SSBP2: variants seen among roughly 807,000 people sequenced by gnomAD.
SSBP2 encodes single-stranded DNA-binding protein 2.
Under a neutral mutation model 61.8 loss-of-function variants are expected in SSBP2, and 17 were observed. The observed-to-expected ratio is 0.28, with a 90% CI of 0.19 to 0.41. The LOEUF (loss-of-function observed/expected upper bound fraction) is 0.41, where lower values mean the gene tolerates loss of function less well. SSBP2 is among the 10% of genes least tolerant of loss of function. The pLI is 1.00. For missense variants in SSBP2, 310 were observed against 458.7 expected, an observed-to-expected ratio of 0.68 and a Z score of 2.96; for synonymous variants, 139 against 141.3, an observed-to-expected ratio of 0.98 and a Z score of 0.12.
chr5:81,499,472 A>G (rs936911356), intron 5 of SSBP2, among the ~76,000 whole-genome samples: 1 of 152,198 alleles, frequency 6.6e-6, no homozygotes, highest in African/African-American at 2.4e-5. Flanking sequence ...TGAATGGGAG[A>G]CTAAGCTGTC....
At chr5:81,503,537 T>A (rs1368004148) in intron 5 of SSBP2, among the ~76,000 whole-genome samples, 1 of 152,026 alleles carries the variant, frequency 6.6e-6, no homozygotes, top group Non-Finnish European at 1.5e-5. Context: ...TTGGTGGGAG[T>A]GCAAATTAGT....
intron 2 of SSBP2, among the ~76,000 whole-genome samples, chr5:81,643,089 G>C (rs1305925022): frequency 6.6e-6 from 1 of 152,058 alleles, no homozygotes; most frequent in Non-Finnish European, 1.5e-5. Flanking sequence ...GTTAAGTTCT[G>C]CCATCAGGAG....
At chr5:81,543,063 C>T (rs531986260) in intron 4 of SSBP2, among the ~76,000 whole-genome samples, 34 of 152,200 alleles carry the variant, frequency 2.2e-4, no homozygotes, top group Admixed American at 1.5e-3. Flanking sequence ...CCATGGTGGC[C>T]AGGGTGGTCT....
chr5:81,624,823 C>T (rs1433950078), intron 3 of SSBP2, among the ~76,000 whole-genome samples: 1 of 151,938 alleles, frequency 6.6e-6, no homozygotes, highest in Non-Finnish European at 1.5e-5. Flanking sequence ...TTCTATAAAC[C>T]TTCATGAATA....
intron 15 of SSBP2, among the ~76,000 whole-genome samples, chr5:81,429,858 C>T (rs1762179134): frequency 6.6e-6 from 1 of 152,138 alleles, no homozygotes; most frequent in African/African-American, 2.4e-5. Flanking sequence ...TGTGTCTTGT[C>T]TTGCTGTGCA....
intron 1 of SSBP2, among the ~76,000 whole-genome samples, chr5:81,681,346 C>T (rs1214028231): frequency 2.0e-5 from 3 of 151,754 alleles, no homozygotes; most frequent in African/African-American, 4.8e-5. Flanking sequence ...GTGGCAAAAC[C>T]CCATCTCTAC....
At chr5:81,641,053 C>T (rs1561642379) in intron 2 of SSBP2, among the ~76,000 whole-genome samples, 1 of 152,082 alleles carries the variant, frequency 6.6e-6, no homozygotes, top group Non-Finnish European at 1.5e-5. Context: ...GTTAAAAGAA[C>T]AATGTGACAT....
At chr5:81,605,856 CAGAAATATT>C (rs1744832633) in intron 4 of SSBP2, among the ~76,000 whole-genome samples, 1 of 152,002 alleles carries the variant, frequency 6.6e-6, no homozygotes, top group African/African-American at 2.4e-5. Flanking sequence ...GAGGCAGAAG[CAGAAATATT>C]AGAAGAAAAC....
In SSBP2 at chr5:81,413,005, A is replaced by G. The variant is rs1761196497; in HGVS notation, c.*7499T>C. The G allele has an allele frequency of 6.6e-6, 1 of 152,350 alleles. No individual in the cohort carries two copies. The highest frequency in any genetic ancestry group is 1.9e-4 in the East Asian group (1 of 5,192). The allele number at this position is 152,350 out of a possible 1,614,324, so 9.4% of individuals were successfully genotyped here. A position where few individuals can be genotyped will look rare whatever the true frequency, so the allele number is the denominator to read the frequency against. ...TATATAAGGCATAATGTCTAATTCAATTATATACACAGATGTCCACATTAG... is the reference window on the plus strand; with the variant it reads ...TATATAAGGCATAATGTCTAATTCAGTTATATACACAGATGTCCACATTAG... On this transcript the variant is annotated 3_prime_UTR_variant, in exon 17 of 17. Transcript: ENST00000320672.
At position 81,636,636 on chromosome 5, in the gene SSBP2, G is replaced by C. The variant is rs1748262379; in HGVS notation, c.136-18C>G. 6.3e-7 allele frequency: 1 copy of C among 1,575,394 alleles called. No individual in the cohort carries two copies. The highest frequency in any genetic ancestry group is 1.1e-5 in the South Asian group (1 of 87,800). On this transcript the variant is annotated intron_variant, in intron 2 of 16. Transcript: ENST00000320672. Reference sequence around the variant, plus strand: ...CATCTTATCTAAAATGAATAAAAGAGATATTACTTTCCTAATAATACTTTT... The same window carrying C: ...CATCTTATCTAAAATGAATAAAAGACATATTACTTTCCTAATAATACTTTT...
chr5:81,544,073 G>A (rs1049547422), intron 4 of SSBP2, among the ~76,000 whole-genome samples: 3 of 151,898 alleles, frequency 2.0e-5, no homozygotes, highest in South Asian at 2.1e-4. Context: ...CCTTTGAGAC[G>A]GAGTCTCGCT....
At chr5:81,626,269 A>C (rs572055684) in intron 3 of SSBP2, among the ~76,000 whole-genome samples, 3 of 152,374 alleles carry the variant, frequency 2.0e-5, no homozygotes, top group Admixed American at 2.0e-4. Context: ...CTATTTTAAA[A>C]TATAATGAAG....
chr5:81,739,953 T>C (rs1204291192), intron 1 of SSBP2, among the ~76,000 whole-genome samples: 1 of 152,168 alleles, frequency 6.6e-6, no homozygotes, highest in Non-Finnish European at 1.5e-5. Flanking sequence ...TGCCAGTACT[T>C]GCTATGTTAT....
At chr5:81,688,983 G>A (rs772268186) in intron 1 of SSBP2, among the ~76,000 whole-genome samples, 5 of 151,886 alleles carry the variant, frequency 3.3e-5, no homozygotes, top group Non-Finnish European at 5.9e-5. Context: ...AGAAAACACA[G>A]AGAAGGAACT....
At chr5:81,556,446 C>A (rs528584487) in intron 4 of SSBP2, among the ~76,000 whole-genome samples, 2 of 152,180 alleles carry the variant, frequency 1.3e-5, no homozygotes, top group Non-Finnish European at 2.9e-5. Context: ...AACTTGCTAA[C>A]ACAGACAATT....
intron 1 of SSBP2, among the ~76,000 whole-genome samples, chr5:81,661,183 G>C (rs1045010900): frequency 5.3e-5 from 8 of 152,048 alleles, no homozygotes; most frequent in Non-Finnish European, 1.2e-4. Context: ...GTTTTTTAAA[G>C]ACAGGATTTC....
rs1378006588 is a variant in SSBP2, at chr5:81,418,044, GA to G, written c.*2459del. ...ATACCTTCTCAGAAGGCGAAGAAAA[GA>G]ATTTCAAGATCGGTAACAATGGAGA... is the stretch of plus-strand genomic sequence containing the variant. On this transcript the variant is annotated 3_prime_UTR_variant, in exon 17 of 17. Transcript: ENST00000320672. 5.3e-5 allele frequency: 8 copies of G among 152,138 alleles called. No individual in the cohort carries two copies. The highest frequency in any genetic ancestry group is 1.2e-4 in the Non-Finnish European group (8 of 67,994). 9.4% of individuals were successfully genotyped at this position (152,138 alleles called of 1,614,324 possible). A position where few individuals can be genotyped will look rare whatever the true frequency, so the allele number is the denominator to read the frequency against.
At chr5:81,579,696 C>T (rs1046430076) in intron 4 of SSBP2, among the ~76,000 whole-genome samples, 3 of 152,072 alleles carry the variant, frequency 2.0e-5, no homozygotes, top group Non-Finnish European at 4.4e-5. Context: ...CTCAGCCCTT[C>T]CACATGCACA....
chr5:81,623,497 A>G (rs1030772988), intron 3 of SSBP2, among the ~76,000 whole-genome samples: 1 of 151,606 alleles, frequency 6.6e-6, no homozygotes, highest in Non-Finnish European at 1.5e-5. Flanking sequence ...CACCGCGCCC[A>G]GCTAATTTTT....
Sources: gnomAD v4.1 joint callset for allele counts (sites outside exome capture counted in the v4.1 genomes callset) on GRCh38, gnomAD v4.1.1 for gene constraint, MANE v1.5 for transcripts, NCBI Gene and HGNC (gene_info 2026-07-23, HGNC 2026-07-21) for gene names.